Variants in NDUFAF6 observed in about 807,000 individuals in gnomAD.
NDUFAF6 encodes the protein NADH dehydrogenase (ubiquinone) complex I, assembly factor 6.
In NDUFAF6, 45 loss-of-function variants were observed where a neutral mutation model predicts 40.8. The observed-to-expected ratio is 1.10, with a 90% CI of 0.87 to 1.42. NDUFAF6 has a LOEUF of 1.42. Among genes scored for constraint, NDUFAF6 ranks in the 40% most tolerant of loss-of-function variants. NDUFAF6 has a pLI of 0.00. For synonymous variants in NDUFAF6, 185 were observed against 155.9 expected, an observed-to-expected ratio of 1.19 and a Z score of -1.39; for missense variants, 435 against 418.5, an observed-to-expected ratio of 1.04 and a Z score of -0.34.
chr8:94,929,571 A>T (rs952154113), intron 1 of NDUFAF6: 3 of 152,224 alleles, frequency 2.0e-5, no homozygotes, highest in Admixed American at 6.5e-5. Context: ...TATAAAGCCT[A>T]TCTCTTTTCC....
rs542508345 is a variant in NDUFAF6, at chr8:94,971,625, G to T, written c.-198-9234G>T. ...ACCTCGTATTTCTAGACTCTTTTAT[G>T]TATATTTCACATATATTTAAAAAAT... is the stretch of plus-strand genomic sequence containing the variant. On this transcript the variant is annotated intron_variant, in intron 1 of 9. Coordinates refer to the NDUFAF6 transcript ENST00000396111. Among the ~76,000 whole-genome samples, 4 of 152,262 alleles carry T rather than the reference G, an allele frequency of 2.6e-5. No individual in the cohort carries two copies. In the South Asian group the frequency reaches 8.3e-4, roughly 32 times the overall value.
At chr8:94,935,090 G>A (rs1204190726) in intron 1 of NDUFAF6, among the ~76,000 whole-genome samples, 4 of 102,670 alleles carry the variant, frequency 3.9e-5, no homozygotes, top group Non-Finnish European at 7.1e-5. Flanking sequence ...AACAGGAAAC[G>A]GTAGGTAGGT....
chr8:94,979,522 A>C (rs1000134157), intron 1 of NDUFAF6, among the ~76,000 whole-genome samples: 3 of 151,944 alleles, frequency 2.0e-5, no homozygotes, highest in African/African-American at 4.8e-5. Context: ...TATGAAGGAG[A>C]TTTCAGCATG....
rs1173557505 is a variant in NDUFAF6 at position 95,058,207 on chromosome 8, G to A, written c.*270G>A. ...TGGAGCTCCAACAGGGAATATTGGT[G>A]TAGCTGTGCATAGGCCATAAGCCAC... On this transcript the variant is annotated 3_prime_UTR_variant, in exon 9 of 9. Transcript: ENST00000396124. 2.8e-6 allele frequency: 4 copies of A among 1,416,432 alleles called. No individual in the cohort carries two copies. Among genetic ancestry groups the A allele is most frequent in the Non-Finnish European group, 2.7e-6 (3 of 1,093,958 alleles). 87.7% of individuals were successfully genotyped at this position (1,416,432 alleles called of 1,614,324 possible).
At chr8:94,945,154 G>C (rs1271277058) in intron 1 of NDUFAF6, among the ~76,000 whole-genome samples, 2 of 152,146 alleles carry the variant, frequency 1.3e-5, no homozygotes, top group African/African-American at 4.8e-5. Context: ...AAACTTTCAA[G>C]TATGTTTGGA....
intron 4 of NDUFAF6, among the ~76,000 whole-genome samples, chr8:95,112,575 G>C (rs1464839899): frequency 1.3e-5 from 2 of 151,496 alleles, no homozygotes; most frequent in Admixed American, 6.6e-5. Context: ...CATTCAGTTT[G>C]TGACAATCTG....
chr8:95,081,143 C>CTTTTTTTTTTTT (rs559573385), downstream of NDUFAF6, among the ~76,000 whole-genome samples: 7 of 57,712 alleles, frequency 1.2e-4, no homozygotes, highest in African/African-American at 3.2e-4. Flanking sequence ...AGTCCTGCAT[C>CTTTTTTTTTTTT]TTTTTTTTTT....
intron 2 of NDUFAF6, among the ~76,000 whole-genome samples, chr8:95,089,459 T>TAC (rs72329968): frequency 6.7e-5 from 1 of 15,012 alleles, no homozygotes; most frequent in Admixed American, 1.1e-3. Flanking sequence ...GTGTAAACTG[T>TAC]GTGTATATAT....
intron 2 of NDUFAF6, among the ~76,000 whole-genome samples, chr8:94,995,831 G>A (rs923370123): frequency 1.3e-4 from 20 of 152,162 alleles, no homozygotes; most frequent in African/African-American, 4.8e-4. Context: ...AGGCTGGATT[G>A]CAGTGGTGCG....
At chr8:94,912,641 A>G (rs2945562) in intron 1 of NDUFAF6, among the ~76,000 whole-genome samples, 7,563 of 152,076 alleles carry the variant, frequency 0.05, 250 homozygotes, top group Middle Eastern at 0.065. Flanking sequence ...CTAAAAAAAA[A>G]AAAGAAAGAA....
upstream of NDUFAF6, among the ~76,000 whole-genome samples, chr8:94,953,300 C>A (rs534492262): frequency 6.6e-6 from 1 of 151,380 alleles, no homozygotes; most frequent in South Asian, 2.1e-4. Flanking sequence ...GAGCCGAGAT[C>A]GCACCATTGC....
chr8:94,929,102 A>G (rs889238732), intron 1 of NDUFAF6: 1 of 152,634 alleles, frequency 6.6e-6, no homozygotes, highest in African/African-American at 2.4e-5. Context: ...CTACGTGTGA[A>G]TCGAACCCTG....
upstream of NDUFAF6, among the ~76,000 whole-genome samples, chr8:94,954,194 C>T (rs547936593): frequency 8.2e-4 from 125 of 152,336 alleles, 1 homozygote; most frequent in Non-Finnish European, 1.7e-3. Flanking sequence ...TCCCAAGTAG[C>T]TGGGACTACA....
chr8:94,985,490 TATATATATATATATATATATATATA>T (rs1403077834), intron 2 of NDUFAF6, among the ~76,000 whole-genome samples: 68 of 6,710 alleles, frequency 0.01, 2 homozygotes, highest in South Asian at 0.015. Flanking sequence ...TATATATATA[TATATATATATATATATATATATATA>T]TTTTTTTTTT....
At chr8:94,896,538 T>A (rs1210678444) in intron 1 of NDUFAF6, 1 of 151,890 alleles carries the variant, frequency 6.6e-6, no homozygotes, top group African/African-American at 2.4e-5. Context: ...GGGGAACAGC[T>A]CCGGGAACAA....
chr8:95,072,222 C>T (rs761144119), intron 9 of NDUFAF6, among the ~76,000 whole-genome samples: 27 of 152,172 alleles, frequency 1.8e-4, no homozygotes, highest in Non-Finnish European at 3.1e-4. Flanking sequence ...CGGTGCCCTA[C>T]TTCGCAGCAC....
intron 2 of NDUFAF6, among the ~76,000 whole-genome samples, chr8:95,086,746 C>G (rs557327505): frequency 3.6e-4 from 55 of 151,840 alleles, no homozygotes; most frequent in African/African-American, 1.2e-3. Flanking sequence ...GGACCACAGG[C>G]GCCCCCCACC....
intron 4 of NDUFAF6, among the ~76,000 whole-genome samples, chr8:95,109,466 G>T (rs570691123): frequency 1.4e-4 from 22 of 152,178 alleles, no homozygotes; most frequent in African/African-American, 5.3e-4. Flanking sequence ...TCCATTGGAA[G>T]AGCATCTGGA....
At chr8:94,939,543 GCAC>G in intron 1 of NDUFAF6, 1 of 310,508 alleles carries the variant, frequency 3.2e-6, no homozygotes, top group Non-Finnish European at 6.3e-6. Flanking sequence ...CTACAGGTGT[GCAC>G]CACCACACCT....
Sources: allele counts gnomAD v4.1 joint callset (sites outside exome capture counted in the v4.1 genomes callset), GRCh38; gene constraint gnomAD v4.1.1; transcripts MANE v1.5; gene names NCBI Gene and HGNC (gene_info 2026-07-23, HGNC 2026-07-21).